GALNT14: variants seen among roughly 807,000 people sequenced by gnomAD.
The protein encoded by GALNT14 is polypeptide N-acetylgalactosaminyltransferase 14.
GALNT14 carries 60 observed loss-of-function variants against 77.5 expected under a neutral mutation model. That is an observed-to-expected ratio of 0.77 (90% CI 0.63 to 0.96). The LOEUF is 0.96. GALNT14 is among the 40% of genes least tolerant of loss of function. The probability of loss-of-function intolerance (pLI) is 0.00; values close to 1 mark genes in which losing one functional copy is unlikely to be tolerated. For missense variants in GALNT14, 710 were observed against 731.0 expected (o/e 0.97, Z 0.33); for synonymous variants, 280 against 281.7 (o/e 0.99, Z 0.06).
chr2:31,125,188 G>A, intron 1 of GALNT14: 4 of 1,550,532 alleles, frequency 2.6e-6, no homozygotes, highest in Non-Finnish European at 3.5e-6. Flanking sequence ...AGGGAGGAGT[G>A]GGTGATACAG....
intron 1 of GALNT14, among the ~76,000 whole-genome samples, chr2:31,108,215 A>G (rs535895949): frequency 3.3e-5 from 5 of 152,274 alleles, no homozygotes; most frequent in Admixed American, 3.3e-4. Flanking sequence ...CAGGCTACAG[A>G]TGGACAACAT....
chr2:30,925,225 C>T (rs762175709), intron 11 of GALNT14, among the ~76,000 whole-genome samples: 4 of 152,206 alleles, frequency 2.6e-5, no homozygotes, highest in Non-Finnish European at 5.9e-5. Context: ...CTCCCCGCTG[C>T]CCCAGTCTCA....
At chr2:30,926,918 A>G (rs1382277127) in intron 11 of GALNT14, among the ~76,000 whole-genome samples, 2 of 152,170 alleles carry the variant, frequency 1.3e-5, no homozygotes, top group African/African-American at 4.8e-5. Flanking sequence ...TGGGCACTGG[A>G]GGAATGGAAA....
intron 1 of GALNT14, among the ~76,000 whole-genome samples, chr2:31,030,830 A>T (rs565571094): frequency 2.6e-5 from 4 of 152,358 alleles, no homozygotes; most frequent in African/African-American, 9.6e-5. Context: ...ACCAACTGTC[A>T]GCATCTCTCA....
chr2:31,082,796 G>C (rs764990089), intron 1 of GALNT14, among the ~76,000 whole-genome samples: 2 of 152,108 alleles, frequency 1.3e-5, no homozygotes, highest in African/African-American at 4.8e-5. Context: ...GAGGTGGGTG[G>C]ATCATGAGGT....
chr2:31,081,829 C>A (rs1991103), intron 1 of GALNT14, among the ~76,000 whole-genome samples: 90,106 of 151,876 alleles, frequency 0.59, 27,509 homozygotes, highest in African/African-American at 0.75. Context: ...TGAAGGAAAA[C>A]TATTGATTTA....
At chr2:31,104,469 A>G (rs1432944520) in intron 1 of GALNT14, among the ~76,000 whole-genome samples, 7 of 152,156 alleles carry the variant, frequency 4.6e-5, no homozygotes, top group Non-Finnish European at 7.4e-5. Context: ...CTCCTTGTCA[A>G]AAAATCAACA....
intron 1 of GALNT14, among the ~76,000 whole-genome samples, chr2:31,027,427 C>T (rs973065870): frequency 1.7e-5 from 1 of 58,806 alleles, no homozygotes; most frequent in African/African-American, 4.4e-5. Context: ...CAAAACAAAG[C>T]AAAAAAAAAA....
intron 1 of GALNT14, among the ~76,000 whole-genome samples, chr2:31,118,015 C>G (rs1678199717): frequency 6.6e-6 from 1 of 152,120 alleles, no homozygotes. Flanking sequence ...TTTTATTGGA[C>G]CCAAGTTAGT....
intron 10 of GALNT14, 34 bp downstream of exon 10, chr2:30,932,034 G>A (rs774065276): frequency 3.4e-6 from 5 of 1,464,690 alleles, no homozygotes; most frequent in Middle Eastern, 3.6e-4. Context: ...TGCCTGTGCT[G>A]CTGCCCACCC....
At chr2:30,944,028 C>G (rs1387371404) in intron 8 of GALNT14, among the ~76,000 whole-genome samples, 1 of 152,238 alleles carries the variant, frequency 6.6e-6, no homozygotes, top group East Asian at 1.9e-4. Flanking sequence ...TCCTGGGCAT[C>G]CCTAATCTGG....
chr2:30,908,123 T>C (rs1276941647), downstream of GALNT14, among the ~76,000 whole-genome samples: 891 of 134,546 alleles, frequency 6.6e-3, 21 homozygotes, highest in African/African-American at 0.024. Flanking sequence ...GGGCAAAAAC[T>C]GGAAGCATTC....
At chr2:31,045,019 T>A (rs759809669) in intron 1 of GALNT14, among the ~76,000 whole-genome samples, 3 of 151,990 alleles carry the variant, frequency 2.0e-5, no homozygotes, top group Admixed American at 6.6e-5. Flanking sequence ...CAGAAAAGAC[T>A]TCAAGAGGGG....
At chr2:31,024,475 A>G (rs901511954) in intron 1 of GALNT14, among the ~76,000 whole-genome samples, 3 of 152,044 alleles carry the variant, frequency 2.0e-5, no homozygotes, top group Non-Finnish European at 2.9e-5. Context: ...GTTCCTCCCC[A>G]GGCCAGCCGA....
intron 1 of GALNT14, among the ~76,000 whole-genome samples, chr2:31,057,365 T>C (rs1674292434): frequency 1.2e-5 from 1 of 84,928 alleles, no homozygotes; most frequent in East Asian, 3.5e-4. Context: ...TGTGTGTGTG[T>C]GTGTGTGTGT....
intron 1 of GALNT14, among the ~76,000 whole-genome samples, chr2:31,086,428 C>T (rs570891842): frequency 1.1e-4 from 16 of 152,100 alleles, no homozygotes; most frequent in Non-Finnish European, 1.8e-4. Flanking sequence ...CTTTCCCTCC[C>T]GTGCCAGGCA....
intron 11 of GALNT14, among the ~76,000 whole-genome samples, chr2:30,925,297 T>C (rs943171922): frequency 6.6e-6 from 1 of 152,232 alleles, no homozygotes; most frequent in Non-Finnish European, 1.5e-5. Flanking sequence ...TAGATATTCA[T>C]TGAGCACCTA....
chr2:31,012,979 A>G (rs1409418748), intron 1 of GALNT14, among the ~76,000 whole-genome samples: 1 of 152,190 alleles, frequency 6.6e-6, no homozygotes, highest in Admixed American at 6.5e-5. Flanking sequence ...ACCACAAAAC[A>G]CTTTTGCAGA....
At chr2:30,941,336 G>A (rs1666366533) in intron 9 of GALNT14, among the ~76,000 whole-genome samples, 1 of 152,220 alleles carries the variant, frequency 6.6e-6, no homozygotes, top group African/African-American at 2.4e-5. Flanking sequence ...CCCAACCCCT[G>A]CCCTCGTGCA....
Sources: allele counts gnomAD v4.1 joint callset (sites outside exome capture counted in the v4.1 genomes callset), GRCh38; gene constraint gnomAD v4.1.1; transcripts MANE v1.5; gene names NCBI Gene and HGNC (gene_info 2026-07-23, HGNC 2026-07-21).